The following CCDC7 variants were observed in gnomAD, a reference collection of about 807,000 sequenced individuals.
The protein encoded by CCDC7 is coiled-coil domain containing 7, also known as coiled-coil domain-containing protein 7.
CCDC7 carries 183 observed loss-of-function variants against 196.9 expected under a neutral mutation model. The ratio of observed to expected loss-of-function variants is 0.93; its 90% CI spans 0.82 to 1.05. CCDC7 has a LOEUF of 1.05. CCDC7 is among the 50% of genes least tolerant of loss of function. The pLI is 0.00. For synonymous variants in CCDC7, 525 were observed against 484.6 expected (o/e 1.08, Z -1.10); for missense variants, 1,540 against 1,482.2 (o/e 1.04, Z -0.64).
intron 28 of CCDC7, among the ~76,000 whole-genome samples, chr10:32,765,775 T>A (rs2078190000): frequency 6.6e-6 from 1 of 152,044 alleles, no homozygotes; most frequent in Admixed American, 6.6e-5. Context: ...AGATGGTGAT[T>A]CTAATTGTAG....
intron 18 of CCDC7, among the ~76,000 whole-genome samples, chr10:32,600,306 T>TA (rs1245931157): frequency 6.6e-6 from 1 of 151,900 alleles, no homozygotes; most frequent in Non-Finnish European, 1.5e-5. Flanking sequence ...TTCTAGTTTT[T>TA]TTTTTTTGCA....
intron 31 of CCDC7, among the ~76,000 whole-genome samples, chr10:32,815,921 A>C (rs2088369611): frequency 6.6e-6 from 1 of 152,212 alleles, no homozygotes; most frequent in Non-Finnish European, 1.5e-5. Flanking sequence ...CAGTGTGAGC[A>C]ACGCAGAAGA....
At chr10:32,601,212 A>G (rs1244126014) in intron 18 of CCDC7, among the ~76,000 whole-genome samples, 1 of 152,124 alleles carries the variant, frequency 6.6e-6, no homozygotes, top group African/African-American at 2.4e-5. Context: ...AGCTGGGACT[A>G]CAGGCATGTG....
intron 29 of CCDC7, among the ~76,000 whole-genome samples, chr10:32,792,568 A>T (rs892012346): frequency 6.6e-6 from 1 of 152,322 alleles, no homozygotes; most frequent in Non-Finnish European, 1.5e-5. Flanking sequence ...TGGGAGGCTG[A>T]GGTGGGCAGA....
At chr10:32,694,309 G>C (rs187539209) in intron 23 of CCDC7, among the ~76,000 whole-genome samples, 3 of 152,082 alleles carry the variant, frequency 2.0e-5, no homozygotes, top group African/African-American at 7.2e-5. Flanking sequence ...GAAGTGTTTT[G>C]GGTCTTTATT....
At chr10:32,879,007 T>C (rs2094690395), downstream of CCDC7, among the ~76,000 whole-genome samples, 1 of 152,130 alleles carries the variant, frequency 6.6e-6, no homozygotes, top group Non-Finnish European at 1.5e-5. Flanking sequence ...GCCATTCAAA[T>C]TGGCAAGGGG....
chr10:32,755,131 G>T (rs890664070), intron 28 of CCDC7, among the ~76,000 whole-genome samples: 2 of 152,164 alleles, frequency 1.3e-5, no homozygotes, highest in African/African-American at 4.8e-5. Context: ...GCTAGAAATG[G>T]GTGGAGCCCA....
chr10:32,755,063 T>A (rs2076209376), intron 28 of CCDC7, among the ~76,000 whole-genome samples: 1 of 152,140 alleles, frequency 6.6e-6, no homozygotes, highest in African/African-American at 2.4e-5. Context: ...GCAGTGAGAC[T>A]GGGGGAGGGG....
At chr10:32,513,474 C>T (rs982764885) in intron 9 of CCDC7, 1 of 152,030 alleles carries the variant, frequency 6.6e-6, no homozygotes, top group African/African-American at 2.4e-5. Context: ...AGAGTTCACA[C>T]TTCTCAATTC....
At chr10:32,668,409 G>T (rs1026792377) in intron 21 of CCDC7, among the ~76,000 whole-genome samples, 2 of 152,088 alleles carry the variant, frequency 1.3e-5, no homozygotes, top group African/African-American at 4.8e-5. Flanking sequence ...ACACTATGTT[G>T]GATAGGAGTG....
At chr10:32,851,472 A>G (rs2093562448) in intron 39 of CCDC7, among the ~76,000 whole-genome samples, 1 of 152,104 alleles carries the variant, frequency 6.6e-6, no homozygotes, top group Non-Finnish European at 1.5e-5. Context: ...CTAACATACG[A>G]TCTGTTCTGG....
intron 16 of CCDC7, among the ~76,000 whole-genome samples, chr10:32,578,385 T>C (rs889812058): frequency 2.0e-4 from 31 of 151,436 alleles, no homozygotes; most frequent in Admixed American, 2.0e-3. Context: ...TTGTACACTT[T>C]ATTATTATTA....
intron 13 of CCDC7, among the ~76,000 whole-genome samples, chr10:32,559,096 G>C (rs542304106): frequency 3.9e-5 from 6 of 152,242 alleles, no homozygotes; most frequent in African/African-American, 1.4e-4. Flanking sequence ...AAACTGCAAG[G>C]CGGCAGCGAG....
At chr10:32,729,305 A>G (rs201414494) in intron 27 of CCDC7, 27 bp from the exon 29 acceptor site, 92 of 1,534,604 alleles carry the variant, frequency 6.0e-5, no homozygotes, top group Middle Eastern at 2.2e-4. Flanking sequence ...CAGAAGTTCT[A>G]TTGCACATCT....
chr10:32,618,841 T>C (rs1224515648), intron 18 of CCDC7, among the ~76,000 whole-genome samples: 1 of 152,096 alleles, frequency 6.6e-6, no homozygotes, highest in Non-Finnish European at 1.5e-5. Flanking sequence ...GTTTTCTAAA[T>C]TTTTTGATTG....
intron 13 of CCDC7, 43 bp from the exon 15 acceptor site, chr10:32,565,515 A>G: frequency 6.3e-7 from 1 of 1,579,200 alleles, no homozygotes; most frequent in Non-Finnish European, 8.6e-7. Context: ...ATTAATTAAA[A>G]ATACCAAAGT....
At chr10:32,661,590 G>A (rs1034257812) in intron 20 of CCDC7, among the ~76,000 whole-genome samples, 5 of 152,070 alleles carry the variant, frequency 3.3e-5, no homozygotes, top group Non-Finnish European at 7.4e-5. Context: ...TTAGTCAGCA[G>A]GTGATAGATC....
chr10:32,632,241 T>C (rs146250680), intron 18 of CCDC7, among the ~76,000 whole-genome samples: 62 of 151,964 alleles, frequency 4.1e-4, no homozygotes, highest in African/African-American at 1.4e-3. Flanking sequence ...TGGGAAAGCA[T>C]TAACCATTAA....
At chr10:32,591,276 ACT>A (rs2059756976) in intron 18 of CCDC7, among the ~76,000 whole-genome samples, 2 of 149,920 alleles carry the variant, frequency 1.3e-5, no homozygotes, top group African/African-American at 4.9e-5. Context: ...CCCTCTTGAA[ACT>A]CTCTAATTTT....
Sources: allele counts gnomAD v4.1 joint callset (sites outside exome capture counted in the v4.1 genomes callset), GRCh38; gene constraint gnomAD v4.1.1; transcripts MANE v1.5; gene names NCBI Gene and HGNC (gene_info 2026-07-23, HGNC 2026-07-21).